The following ASTN2 variants were observed in gnomAD, a reference collection of about 807,000 sequenced individuals.
The protein encoded by ASTN2 is astrotactin-2.
Under a neutral mutation model 139.8 loss-of-function variants are expected in ASTN2, and 54 were observed. The observed-to-expected ratio is 0.39, with a 90% CI of 0.31 to 0.48. ASTN2 has a LOEUF of 0.48. ASTN2 is among the 20% of genes least tolerant of loss of function. The probability of loss-of-function intolerance (pLI) is 0.95; values close to 1 mark genes in which losing one functional copy is unlikely to be tolerated. For missense variants in ASTN2, 1,565 were observed against 1,725.1 expected, an observed-to-expected ratio of 0.91 and a Z score of 1.64; for synonymous variants, 756 against 719.5, an observed-to-expected ratio of 1.05 and a Z score of -0.81.
chr9:116,734,232 C>A (rs1425293325), intron 13 of ASTN2, among the ~76,000 whole-genome samples: 1 of 152,134 alleles, frequency 6.6e-6, no homozygotes, highest in Non-Finnish European at 1.5e-5. Flanking sequence ...TCTTTAGGTG[C>A]CTCTAACCCT....
intron 2 of ASTN2, among the ~76,000 whole-genome samples, chr9:117,279,862 A>C (rs1012058053): frequency 1.3e-5 from 2 of 152,204 alleles, no homozygotes; most frequent in South Asian, 4.2e-4. Context: ...CTTGGGCTAC[A>C]TAATGCTCAT....
intron 22 of ASTN2, among the ~76,000 whole-genome samples, chr9:116,435,095 T>C (rs904391368): frequency 2.0e-5 from 3 of 152,188 alleles, no homozygotes. Context: ...GGAAGTCAAA[T>C]GATACTAACA....
intron 16 of ASTN2, among the ~76,000 whole-genome samples, chr9:116,718,636 A>T (rs1291534578): frequency 6.6e-5 from 10 of 152,140 alleles, no homozygotes; most frequent in Non-Finnish European, 1.3e-4. Context: ...GACTTAAACC[A>T]GTAAGTTGAA....
intron 10 of ASTN2, among the ~76,000 whole-genome samples, chr9:116,889,510 G>C (rs1833703547): frequency 6.6e-6 from 1 of 151,934 alleles, no homozygotes; most frequent in South Asian, 2.1e-4. Context: ...CTGTGTGTTT[G>C]CTCACCAGGT....
chr9:116,932,547 T>A (rs890734045), intron 10 of ASTN2, among the ~76,000 whole-genome samples: 1 of 152,116 alleles, frequency 6.6e-6, no homozygotes, highest in African/African-American at 2.4e-5. Flanking sequence ...CCTGCTTCCA[T>A]CCTACTGCTT....
intron 3 of ASTN2, among the ~76,000 whole-genome samples, chr9:117,164,537 G>A (rs1830625716): frequency 6.6e-6 from 1 of 152,062 alleles, no homozygotes; most frequent in Non-Finnish European, 1.5e-5. Context: ...CAGCCTCCTG[G>A]TCTCCTTAAA....
Position 116,574,330 on chromosome 9 carries a change from A to G in ASTN2, c.3355+43994T>C, listed in dbSNP as rs150381063. The stretch of plus-strand genomic sequence containing the variant: ...TTAAGTAAGAAGGAAAAAGGTAGGA[A>G]ATGTGGCCTTTTTTGGCTACAGGAA... On this transcript the variant is annotated intron_variant, in intron 19 of 22. Coordinates refer to ENST00000313400, the MANE Select transcript of ASTN2 (RefSeq NM_001365068.1). 1.1e-3 allele frequency among the ~76,000 whole-genome samples: 164 copies of G among 152,316 alleles called. 2 individuals are homozygous for G. The East Asian group carries it at 0.027, about 25-fold the overall frequency.
rs567839197 is a variant in ASTN2, at chr9:116,485,190, T to C, written c.3497+2169A>G. The stretch of plus-strand genomic sequence containing the variant: ...CTCATCACTAGAGAGCTTTTGTCCA[T>C]GATCCCTTCAAGTCCTCCTGGGGTC... On this transcript the variant is annotated intron_variant, in intron 20 of 22. Coordinates refer to ENST00000313400, the MANE Select transcript of ASTN2 (RefSeq NM_001365068.1). Among the ~76,000 whole-genome samples, 6 of 152,318 alleles carry C rather than the reference T, an allele frequency of 3.9e-5. No homozygotes were observed. The East Asian group carries it at 1.2e-3, about 29-fold the overall frequency.
At chr9:116,815,760 G>GC (rs1257273335) in intron 12 of ASTN2, among the ~76,000 whole-genome samples, 2 of 117,000 alleles carry the variant, frequency 1.7e-5, no homozygotes, top group African/African-American at 6.6e-5. Context: ...AGTGGAGATC[G>GC]CCCCACTGCA....
At chr9:116,658,214 C>T (rs1029916319) in intron 16 of ASTN2, among the ~76,000 whole-genome samples, 13 of 152,072 alleles carry the variant, frequency 8.5e-5, no homozygotes, top group Admixed American at 8.5e-4. Flanking sequence ...TGAGAGGAAC[C>T]CTCAGGAGTG....
At chr9:116,702,638 C>T (rs138521371) in intron 16 of ASTN2, among the ~76,000 whole-genome samples, 144 of 152,116 alleles carry the variant, frequency 9.5e-4, no homozygotes, top group African/African-American at 3.1e-3. Context: ...TCCAGTAACC[C>T]GAGTCTTCCT....
At chr9:117,192,218 G>A (rs1831367942) in intron 3 of ASTN2, among the ~76,000 whole-genome samples, 2 of 152,090 alleles carry the variant, frequency 1.3e-5, no homozygotes, top group African/African-American at 4.8e-5. Context: ...AGACACCAGG[G>A]CCAAACGTCC....
Position 116,453,020 on chromosome 9 carries a change from T to A in ASTN2, c.3498-10467A>T, listed in dbSNP as rs577316386. Reference sequence around the variant, plus strand: ...GAGAGGCCAAGCAGAGGCCACCAACTTGGATTTACTCTTGGCCATTAAGTT... The same window carrying A: ...GAGAGGCCAAGCAGAGGCCACCAACATGGATTTACTCTTGGCCATTAAGTT... On this transcript the variant is annotated intron_variant, in intron 20 of 22. Coordinates refer to ENST00000313400, the MANE Select transcript of ASTN2 (RefSeq NM_001365068.1). Among the ~76,000 whole-genome samples, 8 of 152,270 alleles carry A rather than the reference T, an allele frequency of 5.3e-5. No individual in the cohort carries two copies. In the South Asian group the frequency reaches 1.7e-3, roughly 32 times the overall value.
At chr9:116,936,681 T>G (rs1835093435) in intron 10 of ASTN2, among the ~76,000 whole-genome samples, 1 of 152,156 alleles carries the variant, frequency 6.6e-6, no homozygotes, top group South Asian at 2.1e-4. Context: ...GTTTGGGTTT[T>G]CTGACAGCCC....
chr9:117,349,991 A>G (rs570727848), intron 1 of ASTN2, among the ~76,000 whole-genome samples: 2 of 152,320 alleles, frequency 1.3e-5, no homozygotes, highest in South Asian at 4.1e-4. Context: ...AAACCGAGTA[A>G]AATCTGAATA....
chr9:116,489,886 A>C (rs893226181), intron 19 of ASTN2, among the ~76,000 whole-genome samples: 1 of 152,200 alleles, frequency 6.6e-6, no homozygotes, highest in African/African-American at 2.4e-5. Context: ...AAGTGTCTAA[A>C]TCAGGGTAGT....
At chr9:116,586,812 TCACACACACACACATACATACA>T (rs1036973140) in intron 19 of ASTN2, among the ~76,000 whole-genome samples, 8 of 79,940 alleles carry the variant, frequency 1.0e-4, no homozygotes, top group Admixed American at 2.2e-4. Context: ...CAGTTGAAAT[TCACACACACACACATACATACA>T]CACACACACA....
At chr9:117,226,889 C>T (rs149161322) in intron 2 of ASTN2, among the ~76,000 whole-genome samples, 43 of 152,282 alleles carry the variant, frequency 2.8e-4, no homozygotes, top group African/African-American at 9.6e-4. Flanking sequence ...ATTCACAGGG[C>T]TGATGTGAGA....
rs114776433 is a variant in ASTN2, at chr9:116,785,797, C to T, written c.2396+19835G>A. Among the ~76,000 whole-genome samples the T allele has an allele frequency of 7.2e-3, 1,094 of 152,286 alleles. 20 individuals carry two copies. The highest frequency in any genetic ancestry group is 0.025 in the African/African-American group (1,032 of 41,558). ...CATGCTCCAATCCACAGTCGTCTGA[C>T]ATCTGGACCACAGAAGTAGCCTGGG... On this transcript the variant is annotated intron_variant, in intron 13 of 22. Coordinates refer to ENST00000313400, the MANE Select transcript of ASTN2 (RefSeq NM_001365068.1).
Sources: allele counts gnomAD v4.1 joint callset (sites outside exome capture counted in the v4.1 genomes callset), GRCh38; gene constraint gnomAD v4.1.1; transcripts MANE v1.5; gene names NCBI Gene and HGNC (gene_info 2026-07-23, HGNC 2026-07-21).